Variants in TJP1 observed in about 807,000 individuals in gnomAD.
The protein encoded by TJP1 is tight junction protein ZO-1.
TJP1 carries 43 observed loss-of-function variants against 194.2 expected under a neutral mutation model. The ratio of observed to expected loss-of-function variants is 0.22; its 90% CI spans 0.17 to 0.29. The LOEUF is 0.29. TJP1 is among the 10% of genes least tolerant of loss of function. The probability of loss-of-function intolerance (pLI) is 1.00; values close to 1 mark genes in which losing one functional copy is unlikely to be tolerated. For missense variants in TJP1, 1,971 were observed against 2,185.7 expected (o/e 0.90, Z 1.96); for synonymous variants, 801 against 779.0 (o/e 1.03, Z -0.47).
chr15:29,942,408 A>AT (rs1478928313), intron 2 of TJP1, among the ~76,000 whole-genome samples: 2 of 152,188 alleles, frequency 1.3e-5, no homozygotes, highest in Non-Finnish European at 2.9e-5. Flanking sequence ...ACTTACAACC[A>AT]TTTTTTAAAA....
intron 15 of TJP1, chr15:29,731,077 TA>T: frequency 2.7e-6 from 2 of 739,650 alleles, no homozygotes; most frequent in East Asian, 2.6e-5. Flanking sequence ...AATTTTGTTT[TA>T]CTTTTTTTTT....
intron 5 of TJP1, 56 bp downstream of exon 5, chr15:29,766,210 T>G: frequency 6.4e-7 from 1 of 1,563,628 alleles, no homozygotes; most frequent in Non-Finnish European, 8.6e-7. Flanking sequence ...TACTTCTCAT[T>G]AAAATTAGTT....
intron 2 of TJP1, among the ~76,000 whole-genome samples, chr15:29,952,436 A>G (rs945115904): frequency 9.9e-5 from 15 of 152,138 alleles, no homozygotes; most frequent in Non-Finnish European, 2.2e-4. Context: ...AGAAAGCTGA[A>G]ACAATCACTT....
chr15:29,854,161 C>T (rs890891552), intron 2 of TJP1, among the ~76,000 whole-genome samples: 2 of 152,040 alleles, frequency 1.3e-5, no homozygotes, highest in Non-Finnish European at 2.9e-5. Flanking sequence ...ATATTTTATA[C>T]ACCATATAAA....
intron 2 of TJP1, among the ~76,000 whole-genome samples, chr15:29,888,887 C>G (rs1302007988): frequency 1.3e-5 from 2 of 152,120 alleles, no homozygotes; most frequent in Non-Finnish European, 2.9e-5. Context: ...AAAAGCCCAG[C>G]GAGAATCACA....
At chr15:29,900,634 C>T (rs1376561725) in intron 2 of TJP1, among the ~76,000 whole-genome samples, 3 of 152,180 alleles carry the variant, frequency 2.0e-5, no homozygotes, top group African/African-American at 7.2e-5. Flanking sequence ...AAGTTACTAG[C>T]TGTATAAACT....
intron 2 of TJP1, among the ~76,000 whole-genome samples, chr15:29,883,152 A>C (rs2052997278): frequency 6.6e-6 from 1 of 152,182 alleles, no homozygotes; most frequent in South Asian, 2.1e-4. Context: ...CCCAAAGCCC[A>C]CTGGAAATCT....
intron 8 of TJP1, among the ~76,000 whole-genome samples, chr15:29,752,868 G>A (rs1160525728): frequency 6.6e-6 from 1 of 152,118 alleles, no homozygotes; most frequent in African/African-American, 2.4e-5. Context: ...CTCTTATGAT[G>A]TAGCCACATG....
intron 2 of TJP1, among the ~76,000 whole-genome samples, chr15:29,843,681 T>A (rs936462353): frequency 2.6e-5 from 4 of 152,052 alleles, no homozygotes; most frequent in Non-Finnish European, 5.9e-5. Flanking sequence ...GAAAAATATG[T>A]GAAATGTTCA....
intron 10 of TJP1, among the ~76,000 whole-genome samples, chr15:29,739,515 C>T (rs45529637): frequency 6.6e-6 from 1 of 152,232 alleles, no homozygotes; most frequent in East Asian, 1.9e-4. Flanking sequence ...GCGATCTCGG[C>T]TCACTGCAAG....
chr15:29,924,188 C>T (rs939977), intron 2 of TJP1, among the ~76,000 whole-genome samples: 28,863 of 152,026 alleles, frequency 0.19, 2,824 homozygotes, highest in East Asian at 0.34. Context: ...GATCCTCCCA[C>T]CTCAGTCTCC....
chr15:29,825,944 G>A (rs954065839), upstream of TJP1, among the ~76,000 whole-genome samples: 1 of 152,068 alleles, frequency 6.6e-6, no homozygotes, highest in African/African-American at 2.4e-5. Flanking sequence ...AAATTTCATA[G>A]ACCAGTAAAA....
intron 2 of TJP1, among the ~76,000 whole-genome samples, chr15:29,954,439 A>T (rs2055866052): frequency 6.6e-6 from 1 of 152,254 alleles, no homozygotes; most frequent in Non-Finnish European, 1.5e-5. Flanking sequence ...AAAAAAGCTG[A>T]TAAAATTTAA....
At chr15:29,864,292 T>A (rs1295629125) in intron 2 of TJP1, among the ~76,000 whole-genome samples, 2 of 135,850 alleles carry the variant, frequency 1.5e-5, no homozygotes, top group Non-Finnish European at 3.1e-5. Flanking sequence ...GTGCCTGTAA[T>A]CCCAGCTACT....
intron 1 of TJP1, among the ~76,000 whole-genome samples, chr15:29,961,665 G>A (rs991486291): frequency 1.3e-5 from 2 of 152,116 alleles, no homozygotes; most frequent in Admixed American, 6.5e-5. Flanking sequence ...CCTACCGGAT[G>A]AACACAGACC....
At chr15:29,882,398 T>C (rs770868444) in intron 2 of TJP1, among the ~76,000 whole-genome samples, 2 of 152,194 alleles carry the variant, frequency 1.3e-5, no homozygotes, top group Non-Finnish European at 2.9e-5. Flanking sequence ...AAGGACTTCC[T>C]GGCAACACTT....
intron 26 of TJP1, among the ~76,000 whole-genome samples, chr15:29,705,073 A>C (rs9806607): frequency 0.011 from 1,640 of 152,314 alleles, 35 homozygotes; most frequent in African/African-American, 0.038. Flanking sequence ...TCCTTCATGC[A>C]CTCTGCTGAG....
At position 29,757,090 on chromosome 15, in the gene TJP1, G is replaced by A. The variant is rs75180899; in HGVS notation, c.1010+4049C>T. Among the ~76,000 whole-genome samples the A allele has an allele frequency of 1.4e-4, 21 of 152,272 alleles. 1 individual carries two copies. The East Asian group carries it at 3.7e-3, about 27-fold the overall frequency. On this transcript the variant is annotated intron_variant, in intron 8 of 27. Transcript: ENST00000614355. ...CTGCATATGGGGATGCTGAAACACA[G>A]AGGTTTCAAGGTTATGCAAGTAACC... is the stretch of plus-strand genomic sequence containing the variant.
At chr15:29,934,244 G>A (rs2054813198) in intron 2 of TJP1, among the ~76,000 whole-genome samples, 1 of 152,308 alleles carries the variant, frequency 6.6e-6, no homozygotes, top group Non-Finnish European at 1.5e-5. Flanking sequence ...GTGTCCATCT[G>A]TAGTAGCTAG....
Sources: gnomAD v4.1 joint callset for allele counts (sites outside exome capture counted in the v4.1 genomes callset) on GRCh38, gnomAD v4.1.1 for gene constraint, MANE v1.5 for transcripts, NCBI Gene and HGNC (gene_info 2026-07-23, HGNC 2026-07-21) for gene names.